Variants in AFF1 observed in about 807,000 individuals in gnomAD.
The protein encoded by AFF1 is ALF transcription elongation factor 1.
AFF1 carries 48 observed loss-of-function variants against 121.7 expected under a neutral mutation model. That is an observed-to-expected ratio of 0.39 (90% CI 0.31 to 0.50). The LOEUF (loss-of-function observed/expected upper bound fraction) is 0.50. Among genes scored for constraint, AFF1 ranks in the 20% least tolerant of loss-of-function variants. AFF1 has a pLI of 0.76. For missense variants in AFF1, 1,523 were observed against 1,511.7 expected (o/e 1.01, Z -0.12); for synonymous variants, 613 against 563.0 (o/e 1.09, Z -1.26).
At chr4:87,080,183 C>A (rs2149695095) in intron 4 of AFF1, among the ~76,000 whole-genome samples, 1 of 152,088 alleles carries the variant, frequency 6.6e-6, no homozygotes, top group Middle Eastern at 3.4e-3. Flanking sequence ...GAGCTCGTGC[C>A]CTCTAGGAAC....
chr4:86,976,890 G>A (rs1383582234), intron 2 of AFF1, among the ~76,000 whole-genome samples: 1 of 152,204 alleles, frequency 6.6e-6, no homozygotes, highest in Non-Finnish European at 1.5e-5. Context: ...CTGTAACACT[G>A]AAATGATGAT....
At chr4:87,105,733 CAG>C in intron 9 of AFF1, 51 bp downstream of exon 9, 1 of 1,613,566 alleles carries the variant, frequency 6.2e-7, no homozygotes, top group Non-Finnish European at 8.5e-7. Flanking sequence ...ATACATCTAA[CAG>C]ATCTGAGCTG....
intron 12 of AFF1, among the ~76,000 whole-genome samples, chr4:87,124,796 G>T (rs1161107580): frequency 6.6e-6 from 1 of 152,050 alleles, no homozygotes; most frequent in Non-Finnish European, 1.5e-5. Context: ...GGGAGGAATT[G>T]TTTTTCTTCG....
At position 87,139,125 on chromosome 4, in the gene AFF1, G is replaced by A. The variant is rs1729524153; in HGVS notation, c.*3424G>A. The A allele has an allele frequency of 4.4e-6, 1 of 228,680 alleles. No homozygotes were observed. The highest frequency in any genetic ancestry group is 2.2e-5 in the African/African-American group (1 of 45,056). 14.2% of individuals were successfully genotyped at this position (228,680 alleles called of 1,614,324 possible). On this transcript the variant is annotated 3_prime_UTR_variant, in exon 21 of 21. Transcript: ENST00000395146. The stretch of plus-strand genomic sequence containing the variant: ...CAAAACTTATCTCTGATATACAAAG[G>A]GATATAAATATATACACTTAAATAG...
At chr4:86,986,056 A>G (rs146697270) in intron 2 of AFF1, among the ~76,000 whole-genome samples, 1 of 150,064 alleles carries the variant, frequency 6.7e-6, no homozygotes, top group East Asian at 1.9e-4. Flanking sequence ...AATTTAATTT[A>G]ATTTAATTTA....
At chr4:87,025,906 A>T (rs138770899) in intron 2 of AFF1, among the ~76,000 whole-genome samples, 40 of 152,240 alleles carry the variant, frequency 2.6e-4, no homozygotes, top group African/African-American at 8.7e-4. Context: ...CTTAGGACAC[A>T]GTATGTGCAA....
chr4:87,039,850 AG>A (rs1729943483), intron 2 of AFF1, among the ~76,000 whole-genome samples: 1 of 152,158 alleles, frequency 6.6e-6, no homozygotes, highest in South Asian at 2.1e-4. Flanking sequence ...CCTCCTTCCC[AG>A]GGGCACATCA....
At chr4:87,068,755 T>G (rs534855264) in intron 4 of AFF1, among the ~76,000 whole-genome samples, 10 of 152,266 alleles carry the variant, frequency 6.6e-5, no homozygotes, top group Non-Finnish European at 1.2e-4. Context: ...ACTCACTGCT[T>G]CTTATGGCTC....
intron 2 of AFF1, among the ~76,000 whole-genome samples, chr4:87,019,512 A>G (rs1560544097): frequency 1.3e-5 from 2 of 152,136 alleles, no homozygotes; most frequent in South Asian, 2.1e-4. Context: ...TTTAGATCAT[A>G]CCCTTTTTGT....
chr4:87,133,703 C>T (rs1017665271), intron 19 of AFF1, among the ~76,000 whole-genome samples: 3 of 152,224 alleles, frequency 2.0e-5, no homozygotes, highest in Admixed American at 2.0e-4. Flanking sequence ...TCTGCTAGGT[C>T]CGTGCAGCCC....
chr4:87,033,122 G>A (rs1729225485), intron 2 of AFF1, among the ~76,000 whole-genome samples: 1 of 152,216 alleles, frequency 6.6e-6, no homozygotes, highest in African/African-American at 2.4e-5. Flanking sequence ...TGCACTGGGT[G>A]ATAGTGAGAC....
intron 11 of AFF1, among the ~76,000 whole-genome samples, chr4:87,111,423 G>A (rs1578271917): frequency 1.3e-5 from 2 of 151,010 alleles, no homozygotes; most frequent in South Asian, 2.1e-4. Context: ...GTGTGATCTC[G>A]GCTCACTGCA....
rs1730799984 is a variant in AFF1, at chr4:87,047,266, G to A, written c.731G>A (p.Ser244Asn). The A allele has an allele frequency of 6.2e-7, 1 of 1,614,176 alleles. No individual in the cohort carries two copies. Among genetic ancestry groups the A allele is most frequent in the Non-Finnish European group, 8.5e-7 (1 of 1,180,034 alleles). ...SSKVHGSSNN[S>N]KGYCPAKSPK... ...AAGGTTCATGGCAGCAGCAATAACA[G>A]TAAAGGCTATTGCCCAGCCAAATCT... Residue 244 changes from serine (S) to asparagine (N), a missense_variant, in exon 4 of 21, where the codon AGT becomes AAT. Ser to Asn is a conservative substitution (Grantham distance 46). Around this residue, in one of 5 missense-constraint regions of AFF1, gnomAD observed 369 missense variants for 367.2 expected, o/e 1.00. Transcript: ENST00000395146.
At chr4:87,113,052 C>T (rs1003310335) in intron 11 of AFF1, among the ~76,000 whole-genome samples, 3 of 152,070 alleles carry the variant, frequency 2.0e-5, no homozygotes, top group Non-Finnish European at 2.9e-5. Flanking sequence ...CAAGAGTCTC[C>T]GTCATTCTTT....
intron 4 of AFF1, among the ~76,000 whole-genome samples, chr4:87,078,330 A>G (rs951613780): frequency 1.3e-5 from 2 of 152,214 alleles, no homozygotes; most frequent in African/African-American, 4.8e-5. Context: ...CTAAAGCCAT[A>G]AGAGAAACTT....
chr4:87,127,589 A>T, intron 15 of AFF1, 54 bp from the exon 16 acceptor site: 1 of 1,554,092 alleles, frequency 6.4e-7, no homozygotes, highest in Non-Finnish European at 8.9e-7. Flanking sequence ...ATCTTGCCCT[A>T]GTCTAGTAAT....
At position 87,052,537 on chromosome 4, in the gene AFF1, G is replaced by A. The variant is rs555800176; in HGVS notation, c.1059+4943G>A. Reference sequence around the variant, plus strand: ...GCGACATAGGCAGGAGTAAGACCATGGAGGCTTTGTTGGCCGTGAAAGGCA... The same window carrying A: ...GCGACATAGGCAGGAGTAAGACCATAGAGGCTTTGTTGGCCGTGAAAGGCA... On this transcript the variant is annotated intron_variant, in intron 4 of 20. Coordinates refer to ENST00000395146, the MANE Select transcript of AFF1 (RefSeq NM_001166693.3). Among the ~76,000 whole-genome samples the A allele has an allele frequency of 5.3e-5, 8 of 152,238 alleles. No individual in the cohort carries two copies. In the East Asian group the frequency reaches 1.4e-3, roughly 26 times the overall value.
intron 2 of AFF1, among the ~76,000 whole-genome samples, chr4:87,007,721 G>C (rs1224247089): frequency 6.6e-6 from 1 of 152,144 alleles, no homozygotes; most frequent in Non-Finnish European, 1.5e-5. Context: ...GATTTCACTT[G>C]TCCGCCCTTG....
At chr4:87,038,944 G>A (rs995773563) in intron 2 of AFF1, among the ~76,000 whole-genome samples, 4 of 152,186 alleles carry the variant, frequency 2.6e-5, no homozygotes, top group African/African-American at 9.7e-5. Flanking sequence ...CCAGTCAAGG[G>A]TGATAAATGG....
Sources: gnomAD v4.1 joint callset for allele counts (sites outside exome capture counted in the v4.1 genomes callset) on GRCh38, gnomAD v4.1.1 for gene constraint, gnomAD v4.1.1 regional missense constraint, MANE v1.5 for transcripts, NCBI Gene and HGNC (gene_info 2026-07-23, HGNC 2026-07-21) for gene names.